Variants in WDR33 observed in about 807,000 individuals in gnomAD.
The protein encoded by WDR33 is WD repeat domain 33, also known as pre-mRNA 3' end processing protein WDR33.
A neutral mutation model predicts 164.9 loss-of-function variants in WDR33; 47 were observed. That is an observed-to-expected ratio of 0.29 (90% CI 0.23 to 0.36). The LOEUF is 0.36. WDR33 is among the 10% of genes least tolerant of loss of function. The probability of loss-of-function intolerance (pLI) is 1.00; values close to 1 mark genes in which losing one functional copy is unlikely to be tolerated. For synonymous variants in WDR33, 505 were observed against 589.0 expected (o/e 0.86, Z 2.06); for missense variants, 1,137 against 1,754.1 (o/e 0.65, Z 6.28).
chr2:127,758,869 T>TTA (rs976828349), intron 7 of WDR33, among the ~76,000 whole-genome samples: 1 of 152,150 alleles, frequency 6.6e-6, no homozygotes, highest in Non-Finnish European at 1.5e-5. Flanking sequence ...AGGATAGGGG[T>TTA]TATACCTTAT....
intron 1 of WDR33, among the ~76,000 whole-genome samples, chr2:127,804,607 G>A (rs528286695): frequency 1.4e-3 from 210 of 152,266 alleles, no homozygotes; most frequent in African/African-American, 3.9e-3. Context: ...TGTTAAAAAT[G>A]GGTGAATCAG....
Position 127,768,991 on chromosome 2 carries a change from C to A in WDR33, c.215G>T (p.Trp72Leu). 6.5e-7 allele frequency: 1 copy of A among 1,540,690 alleles called. No homozygotes were observed. The highest frequency in any genetic ancestry group is 1.2e-5 in the South Asian group (1 of 82,538). Residue 72 changes from tryptophan (W) to leucine (L), a missense_variant, in exon 3 of 22, where the codon TGG (tryptophan) becomes TTG (leucine). Trp to Leu is a moderately conservative substitution (Grantham distance 61). Transcript: ENST00000322313. Reference protein sequence around the residue: ...SVIKYLENRIWQRDQRDMRAI... With the variant: ...SVIKYLENRILQRDQRDMRAI... Reference sequence around the variant, plus strand: ...CCGCATATCTCTCTGGTCTCTTTGCCATATTCTGTTCTGTTAAATAAATAA... The same window carrying A: ...CCGCATATCTCTCTGGTCTCTTTGCAATATTCTGTTCTGTTAAATAAATAA...
At chr2:127,736,770 G>A in intron 7 of WDR33, 2 of 985,256 alleles carry the variant, frequency 2.0e-6, no homozygotes, top group Non-Finnish European at 2.4e-6. Context: ...TCTAATTTTT[G>A]AGTCAAATAA....
rs61554819 is a variant in WDR33 at position 127,751,362 on chromosome 2, A to AAATAAT, written c.724+11694_724+11699dup. ...AGTGACAGAGCAAGACCTTATCTCAAAATAATAATAATAATAATAATAATA... is the reference window on the plus strand; with the variant it reads ...AGTGACAGAGCAAGACCTTATCTCAAAATAATAATAATAATAATAATAATAATAATA... On this transcript the variant is annotated intron_variant, in intron 7 of 21. Coordinates refer to ENST00000322313, the MANE Select transcript of WDR33 (RefSeq NM_018383.5). Among the ~76,000 whole-genome samples the AAATAAT allele has an allele frequency of 9.8e-3, 1,341 of 136,832 alleles. 5 individuals are homozygous for AAATAAT. Among genetic ancestry groups the AAATAAT allele is most frequent in the Non-Finnish European group, 0.013 (861 of 64,904 alleles). 89.8% of individuals were successfully genotyped at this position (136,832 alleles called of 152,430 possible).
In WDR33 at chr2:127,703,514, A is replaced by C. The variant is rs1685942250; in HGVS notation, c.*2809T>G. 6.0e-6 allele frequency: 1 copy of C among 167,126 alleles called. No homozygotes were observed. Among genetic ancestry groups the C allele is most frequent in the South Asian group, 2.1e-4 (1 of 4,832 alleles). 10.4% of individuals were successfully genotyped at this position (167,126 alleles called of 1,614,324 possible). A position where few individuals can be genotyped will look rare whatever the true frequency, so the allele number is the denominator to read the frequency against. The stretch of plus-strand genomic sequence containing the variant: ...AAGTCAGGTCCCTAAGCCCCGTCCC[A>C]AGAAGTGACACAAGTGGCCAACATC... On this transcript the variant is annotated 3_prime_UTR_variant, in exon 22 of 22. Coordinates refer to ENST00000322313, the MANE Select transcript of WDR33 (RefSeq NM_018383.5).
chr2:127,760,783 A>T (rs1687651077), intron 7 of WDR33, among the ~76,000 whole-genome samples: 2 of 152,208 alleles, frequency 1.3e-5, no homozygotes, highest in South Asian at 2.1e-4. Flanking sequence ...GAATTTTTTT[A>T]AAAAGAATCA....
At chr2:127,806,210 C>CTTTT (rs200197402) in intron 1 of WDR33, among the ~76,000 whole-genome samples, 1 of 132,930 alleles carries the variant, frequency 7.5e-6, no homozygotes, top group Non-Finnish European at 1.6e-5. Context: ...TTTTCTTTTT[C>CTTTT]TTTTTTTTTT....
Position 127,705,810 on chromosome 2 carries a change from A to C in WDR33, c.*513T>G, listed in dbSNP as rs1340593729. 2.6e-5 allele frequency: 4 copies of C among 152,844 alleles called. No homozygotes were observed. Among genetic ancestry groups the C allele is most frequent in the Non-Finnish European group, 1.5e-5 (1 of 68,484 alleles). The allele number at this position is 152,844 out of a possible 1,614,324, so 9.5% of individuals were successfully genotyped here. A position where few individuals can be genotyped will look rare whatever the true frequency, so the allele number is the denominator to read the frequency against. ...CAGCTGAGATTAATTTAGATAACCT[A>C]GTGGTTAATATGCTCATGAACATCA... is the stretch of plus-strand genomic sequence containing the variant. On this transcript the variant is annotated 3_prime_UTR_variant, in exon 22 of 22. Transcript: ENST00000322313. This position sits in a 1 kb window ranked among gnomAD's most constrained non-coding sequence, Gnocchi z 4.5.
At chr2:127,715,088 CTTTTTT>C (rs386391178) in intron 17 of WDR33, among the ~76,000 whole-genome samples, 1 of 108,580 alleles carries the variant, frequency 9.2e-6, no homozygotes, top group African/African-American at 3.8e-5. Flanking sequence ...TTCTTTGTTT[CTTTTTT>C]TTTTTTTTTT....
intron 1 of WDR33, among the ~76,000 whole-genome samples, chr2:127,804,684 A>C (rs1185336022): frequency 6.6e-6 from 1 of 152,238 alleles, no homozygotes; most frequent in African/African-American, 2.4e-5. Flanking sequence ...TATTTATTTC[A>C]AAATTTAAAC....
In WDR33 at chr2:127,765,077, G is replaced by T. The variant is rs141982095; in HGVS notation, c.474+97C>A. The T allele has an allele frequency of 1.9e-6, 3 of 1,551,686 alleles. No individual in the cohort carries two copies. The African/African-American group carries it at 4.1e-5, about 21-fold the overall frequency. ...TATAACTGACTCGAGGTAATAATTC[G>T]TCCCAATTCTAAGTTTAACAATGCC... On this transcript the variant is annotated intron_variant, in intron 5 of 21. Transcript: ENST00000322313.
intron 7 of WDR33, among the ~76,000 whole-genome samples, chr2:127,731,757 G>C (rs563669534): frequency 3.3e-5 from 5 of 152,102 alleles, no homozygotes; most frequent in Non-Finnish European, 5.9e-5. Flanking sequence ...TTATAGGACT[G>C]TAGACCTAAA....
At position 127,805,950 on chromosome 2, in the gene WDR33, A is replaced by T. The variant is rs1465207782; in HGVS notation, c.-24+5062T>A. On this transcript the variant is annotated intron_variant, in intron 1 of 21. Coordinates refer to ENST00000322313, the MANE Select transcript of WDR33 (RefSeq NM_018383.5). Reference sequence around the variant, plus strand: ...CACATTAAAGAATAAACTTTTGTTTAAAAAAAAAAAAAAAACCGCAGGTGT... The same window carrying T: ...CACATTAAAGAATAAACTTTTGTTTTAAAAAAAAAAAAAAACCGCAGGTGT... Among the ~76,000 whole-genome samples, 6 of 100,264 alleles carry T rather than the reference A, an allele frequency of 6.0e-5. No individual in the cohort carries two copies. The South Asian group carries it at 1.4e-3, about 24-fold the overall frequency. The allele number at this position is 100,264 out of a possible 152,430, so 65.8% of individuals were successfully genotyped here. A position where few individuals can be genotyped will look rare whatever the true frequency, so the allele number is the denominator to read the frequency against.
chr2:127,717,761 T>C lies in WDR33; in HGVS notation c.2761-498A>G, dbSNP rs1258626048. Among the ~76,000 whole-genome samples, 1 of 152,208 alleles carries C rather than the reference T, an allele frequency of 6.6e-6. No homozygotes were observed. Among genetic ancestry groups the C allele is most frequent in the Non-Finnish European group, 1.5e-5 (1 of 68,028 alleles). On this transcript the variant is annotated intron_variant, in intron 16 of 21. Coordinates refer to ENST00000322313, the MANE Select transcript of WDR33 (RefSeq NM_018383.5). The surrounding 1 kb of genome is among the most constrained non-coding windows in gnomAD (Gnocchi z 5.6). ...AAATTTCAGAATCATGCTTCCCATG[T>C]ATAAAATCTTTTACTACATGGTACA... is the stretch of plus-strand genomic sequence containing the variant.
chr2:127,805,256 T>C (rs939078683), intron 1 of WDR33, among the ~76,000 whole-genome samples: 20 of 151,714 alleles, frequency 1.3e-4, no homozygotes, highest in African/African-American at 4.6e-4. Context: ...TTTTTTCTTT[T>C]TTTAAAATAG....
In WDR33 at chr2:127,714,289, A is replaced by G. The variant is rs1686248162; in HGVS notation, c.2870-268T>C. ...CAGCAGCATCTGTCCATCTCTTAGT[A>G]TACACTGGAAAAATGAGAGAGCCTC... On this transcript the variant is annotated intron_variant, in intron 17 of 21. Transcript: ENST00000322313. The surrounding 1 kb of genome is among the most constrained non-coding windows in gnomAD (Gnocchi z 4.3). Among the ~76,000 whole-genome samples the G allele has an allele frequency of 6.6e-6, 1 of 152,178 alleles. No homozygotes were observed. Among genetic ancestry groups the G allele is most frequent in the African/African-American group, 2.4e-5 (1 of 41,432 alleles).
intron 1 of WDR33, among the ~76,000 whole-genome samples, chr2:127,794,911 G>C (rs1434668651): frequency 6.6e-6 from 1 of 151,168 alleles, no homozygotes; most frequent in African/African-American, 2.4e-5. Context: ...TGTAATCCTA[G>C]CTACTGGGAG....
intron 7 of WDR33, among the ~76,000 whole-genome samples, chr2:127,744,209 A>G (rs1004050056): frequency 6.6e-6 from 1 of 152,178 alleles, no homozygotes; most frequent in African/African-American, 2.4e-5. Flanking sequence ...AAAAGTTTAA[A>G]TGTTCATACC....
chr2:127,750,696 A>ATGTATG (rs1687317490), intron 7 of WDR33, among the ~76,000 whole-genome samples: 2 of 61,792 alleles, frequency 3.2e-5, no homozygotes, highest in African/African-American at 1.7e-4. Flanking sequence ...ATATATATAT[A>ATGTATG]TATATATATA....
Sources: allele counts gnomAD v4.1 joint callset (sites outside exome capture counted in the v4.1 genomes callset), GRCh38; gene constraint gnomAD v4.1.1; non-coding constraint Gnocchi (gnomAD v3.1); transcripts MANE v1.5; gene names NCBI Gene and HGNC (gene_info 2026-07-23, HGNC 2026-07-21).